CEP290: variants seen among roughly 807,000 people sequenced by gnomAD.
The protein encoded by CEP290 is centrosomal protein 290.
CEP290 carries 317 observed loss-of-function variants against 344.9 expected under a neutral mutation model. The observed-to-expected ratio is 0.92, with a 90% confidence interval of 0.84 to 1.01. The LOEUF (loss-of-function observed/expected upper bound fraction) is 1.01. CEP290 is among the 50% of genes least tolerant of loss of function. The pLI, the probability that CEP290 is intolerant of heterozygous loss-of-function variation, is 0.00. For synonymous variants in CEP290, 932 were observed against 895.8 expected (o/e 1.04, Z -0.72); for missense variants, 2,754 against 2,761.4 (o/e 1.00, Z 0.06).
At chr12:88,086,918 T>C (rs1369503342) in intron 32 of CEP290, among the ~76,000 whole-genome samples, 1 of 152,192 alleles carries the variant, frequency 6.6e-6, no homozygotes, top group Non-Finnish European at 1.5e-5. Context: ...TACAAGCACT[T>C]TGGAGAAAAA....
chr12:88,056,187 G>A (rs1469555562), intron 49 of CEP290, among the ~76,000 whole-genome samples: 1 of 151,868 alleles, frequency 6.6e-6, no homozygotes, highest in African/African-American at 2.4e-5. Context: ...GAAAAATAGT[G>A]TATGATGGGA....
At chr12:88,115,415 G>C in intron 18 of CEP290, 1 of 1,085,122 alleles carries the variant, frequency 9.2e-7, no homozygotes, top group Non-Finnish European at 1.3e-6. Context: ...GAGGCAAAAA[G>C]ATATAACGGT....
chr12:88,072,990 A>G (rs1445795127), intron 41 of CEP290, among the ~76,000 whole-genome samples: 1 of 152,288 alleles, frequency 6.6e-6, no homozygotes, highest in African/African-American at 2.4e-5. Flanking sequence ...GGTAGGTGTC[A>G]TGGTTTATTA....
intron 29 of CEP290, 51 bp from the exon 30 acceptor site, chr12:88,090,890 A>G (rs1442503533): frequency 8.7e-7 from 1 of 1,152,540 alleles, no homozygotes; most frequent in Non-Finnish European, 1.2e-6. Context: ...TTTCTAAGTA[A>G]ATGCCAAAAT....
chr12:88,123,911 G>A (rs1037922635), intron 13 of CEP290, among the ~76,000 whole-genome samples: 1 of 151,940 alleles, frequency 6.6e-6, no homozygotes, highest in African/African-American at 2.4e-5. Context: ...TTCAGACCAA[G>A]AGTTCTCTCT....
intron 5 of CEP290, among the ~76,000 whole-genome samples, chr12:88,137,310 T>C (rs1300078539): frequency 6.6e-6 from 1 of 152,244 alleles, no homozygotes; most frequent in African/African-American, 2.4e-5. Flanking sequence ...CTAGTGCAAC[T>C]GAAGAACTAA....
intron 6 of CEP290, among the ~76,000 whole-genome samples, chr12:88,134,503 A>G (rs536154700): frequency 6.6e-6 from 1 of 152,358 alleles, no homozygotes; most frequent in East Asian, 1.9e-4. Context: ...CAGGAAAAGA[A>G]CCAAATTCAT....
At chr12:88,053,541 T>C (rs1453894819) in intron 52 of CEP290, 111 bp downstream of exon 52, 1 of 627,764 alleles carries the variant, frequency 1.6e-6, no homozygotes, top group African/African-American at 1.9e-5. Flanking sequence ...TATCAGGAAT[T>C]CGATTTTACA....
rs758453972 is a variant in CEP290 at position 88,083,178 on chromosome 12, C to T, written c.4865G>A (p.Arg1622His). Residue 1622 changes from arginine to histidine, a missense_variant, in exon 37 of 54, where the codon CGT (arginine) becomes CAT (histidine). Transcript: ENST00000552810. The part of the protein sequence containing the change: ...TPVPTNKHFI[R>H]LAEMEQTVAE... ...TACTGTCTGTTCCATCTCAGCCAGACGAATAAAATGCTTGTTGGTAGGAAC... is the reference window on the plus strand; with the variant it reads ...TACTGTCTGTTCCATCTCAGCCAGATGAATAAAATGCTTGTTGGTAGGAAC... The T allele has an allele frequency of 3.5e-5, 54 of 1,531,398 alleles. No individual in the cohort carries two copies. Among genetic ancestry groups the T allele is most frequent in the Middle Eastern group, 3.4e-4 (2 of 5,934 alleles). 94.9% of individuals were successfully genotyped at this position (1,531,398 alleles called of 1,614,324 possible).
chr12:88,074,513 T>C (rs1592794532), intron 41 of CEP290, among the ~76,000 whole-genome samples: 1 of 152,280 alleles, frequency 6.6e-6, no homozygotes, highest in East Asian at 1.9e-4. Flanking sequence ...GTGGTGTTAT[T>C]ACATATAGGC....
At chr12:88,123,595 T>C (rs2039548298) in intron 13 of CEP290, among the ~76,000 whole-genome samples, 1 of 152,096 alleles carries the variant, frequency 6.6e-6, no homozygotes, top group South Asian at 2.1e-4. Flanking sequence ...TCTCCTTTGG[T>C]AGCTCCTTTT....
intron 32 of CEP290, among the ~76,000 whole-genome samples, chr12:88,087,495 C>T (rs535055536): frequency 9.2e-5 from 14 of 151,764 alleles, no homozygotes; most frequent in African/African-American, 2.2e-4. Flanking sequence ...CCGAGGCGGG[C>T]GGATCATGAG....
Position 88,060,960 on chromosome 12 carries a change from T to C in CEP290, c.6392A>G (p.Glu2131Gly), listed in dbSNP as rs184323010. Residue 2131 changes from glutamate (E) to glycine (G), a missense_variant, in exon 47 of 54, where the codon GAA (glutamate) becomes GGA (glycine). Glu to Gly is a moderately conservative substitution (Grantham distance 98). Coordinates refer to ENST00000552810, the MANE Select transcript of CEP290 (RefSeq NM_025114.4). ...TTTTTTCATTAAACCAATGGTTTTT[T>C]CCAGTTCTGGGATTGTCTTTCCACT... ...GRSGKTIPEL[E>G]KTIGLMKKVV... 68 of 1,562,986 alleles carry C rather than the reference T, an allele frequency of 4.4e-5. No homozygotes were observed. The African/African-American group carries it at 8.1e-4, about 19-fold the overall frequency.
Position 88,106,672 on chromosome 12 carries a change from T to G in CEP290, c.2817+3A>C, listed in dbSNP as rs2038302255. ...GAAAAAGCAAAATAAGAATCAGATG[T>G]ACCTTAAATCTTTGCAAACACCCAA... is the stretch of plus-strand genomic sequence containing the variant. On this transcript the variant is annotated splice_donor_region_variant and intron_variant, in intron 25 of 53. Transcript: ENST00000552810. The G allele has an allele frequency of 1.3e-6, 2 of 1,591,592 alleles. No homozygotes were observed. The highest frequency in any genetic ancestry group is 2.7e-5 in the African/African-American group (2 of 73,978).
chr12:88,112,853 GACA>G (rs1416171496), intron 20 of CEP290, among the ~76,000 whole-genome samples: 2 of 152,116 alleles, frequency 1.3e-5, no homozygotes, highest in Non-Finnish European at 2.9e-5. Context: ...TACTCTGACT[GACA>G]ACAAGGTGGT....
At chr12:88,098,135 A>G (rs1290667539) in intron 26 of CEP290, among the ~76,000 whole-genome samples, 1 of 149,770 alleles carries the variant, frequency 6.7e-6, no homozygotes, top group African/African-American at 2.5e-5. Flanking sequence ...AGTACTAAAC[A>G]TAGTGCTAAA....
At position 88,086,500 on chromosome 12, in the gene CEP290, T is replaced by C; in HGVS notation, c.4195-2A>G. 1 of 1,579,386 alleles carries C rather than the reference T, an allele frequency of 6.3e-7. No individual in the cohort carries two copies. Among genetic ancestry groups the C allele is most frequent in the Non-Finnish European group, 8.6e-7 (1 of 1,160,062 alleles). Reference sequence around the variant, plus strand: ...GGCCATTTGTCTTTCTTCATGAAACTAAAAAAAGGACAATTTGTGTCAGAC... The same window carrying C: ...GGCCATTTGTCTTTCTTCATGAAACCAAAAAAAGGACAATTTGTGTCAGAC... On this transcript the variant is annotated splice_acceptor_variant, in intron 32 of 53. Transcript: ENST00000552810. LOFTEE classifies it high-confidence loss of function.
intron 17 of CEP290, 56 bp downstream of exon 17, chr12:88,118,427 C>T: frequency 9.8e-6 from 13 of 1,332,700 alleles, no homozygotes; most frequent in Non-Finnish European, 1.3e-5. Context: ...AATTTCATAT[C>T]CAGACAACTC....
In CEP290 at chr12:88,115,188, A is replaced by G; in HGVS notation, c.1825-6T>C. The G allele has an allele frequency of 7.3e-7, 1 of 1,360,622 alleles. No homozygotes were observed. The highest frequency in any genetic ancestry group is 1.3e-5 in the South Asian group (1 of 75,626). 84.3% of individuals were successfully genotyped at this position (1,360,622 alleles called of 1,614,324 possible). ...TCTCTTGAAAGAAATTCATTCTGAA[A>G]AAAGCAGAGAGAATAAAATTGATTT... is the stretch of plus-strand genomic sequence containing the variant. On this transcript the variant is annotated splice_polypyrimidine_tract_variant and splice_region_variant and intron_variant, in intron 18 of 53. Coordinates refer to ENST00000552810, the MANE Select transcript of CEP290 (RefSeq NM_025114.4).
Sources: allele counts gnomAD v4.1 joint callset (sites outside exome capture counted in the v4.1 genomes callset), GRCh38; gene constraint gnomAD v4.1.1; transcripts MANE v1.5; gene names NCBI Gene and HGNC (gene_info 2026-07-23, HGNC 2026-07-21).